Variants in AAK1 observed in about 807,000 individuals in gnomAD.
AAK1 encodes AP2 associated kinase 1, also known as AP2-associated protein kinase 1.
AAK1 carries 37 observed loss-of-function variants against 116.0 expected under a neutral mutation model. The observed-to-expected ratio is 0.32, with a 90% CI of 0.25 to 0.42. The LOEUF (loss-of-function observed/expected upper bound fraction) is 0.42, where lower values mean the gene tolerates loss of function less well. Among genes scored for constraint, AAK1 ranks in the 10% least tolerant of loss-of-function variants. The probability of loss-of-function intolerance (pLI) is 1.00; values close to 1 mark genes in which losing one functional copy is unlikely to be tolerated. For missense variants in AAK1, 919 were observed against 1,170.6 expected, an observed-to-expected ratio of 0.79 and a Z score of 3.14; for synonymous variants, 458 against 439.9, an observed-to-expected ratio of 1.04 and a Z score of -0.51.
Position 69,509,565 on chromosome 2 carries a change from CACTAACATGAA to C in AAK1, c.1777-116_1777-106del, listed in dbSNP as rs1490808261. On this transcript the variant is annotated intron_variant, in intron 13 of 21. Coordinates refer to ENST00000409085, the MANE Select transcript of AAK1 (RefSeq NM_014911.5). ...ACAACAACAAAAAATGCCACATAAGCACTAACATGAAACTCACATGGCTAAGTTTATCAATA... is the reference window on the plus strand; with the variant it reads ...ACAACAACAAAAAATGCCACATAAGCACTCACATGGCTAAGTTTATCAATA... 1.3e-5 allele frequency: 12 copies of C among 952,054 alleles called. No individual in the cohort carries two copies. In the South Asian group the frequency reaches 1.4e-4, roughly 11 times the overall value. The allele number at this position is 952,054 out of a possible 1,614,324, so 59.0% of individuals were successfully genotyped here. A position where few individuals can be genotyped will look rare whatever the true frequency, so the allele number is the denominator to read the frequency against.
At chr2:69,621,763 G>A (rs780899241) in intron 2 of AAK1, among the ~76,000 whole-genome samples, 1 of 152,110 alleles carries the variant, frequency 6.6e-6, no homozygotes, top group Non-Finnish European at 1.5e-5. Context: ...TTCCCTCTCT[G>A]CTGTGTAACA....
intron 11 of AAK1, among the ~76,000 whole-genome samples, chr2:69,519,483 C>T (rs1669660980): frequency 6.6e-6 from 1 of 152,158 alleles, no homozygotes; most frequent in Non-Finnish European, 1.5e-5. Context: ...AAAGTCTTCC[C>T]TTATTAATCA....
At chr2:69,626,236 T>G (rs960471784) in intron 2 of AAK1, among the ~76,000 whole-genome samples, 2 of 151,592 alleles carry the variant, frequency 1.3e-5, no homozygotes, top group Non-Finnish European at 2.9e-5. Context: ...ATTACAAAAA[T>G]TATATTATTA....
chr2:69,526,528 G>C (rs1670031584), intron 9 of AAK1, among the ~76,000 whole-genome samples: 1 of 152,112 alleles, frequency 6.6e-6, no homozygotes, highest in Non-Finnish European at 1.5e-5. Context: ...GGCTGGTCTT[G>C]AACTCCTGAC....
At position 69,470,508 on chromosome 2, in the gene AAK1, G is replaced by A. The variant is rs1674640451; in HGVS notation, c.*5361C>T. The A allele has an allele frequency of 2.3e-5, 23 of 985,406 alleles. No individual in the cohort carries two copies. Among genetic ancestry groups the A allele is most frequent in the Non-Finnish European group, 2.8e-5 (23 of 829,932 alleles). 61.0% of individuals were successfully genotyped at this position (985,406 alleles called of 1,614,324 possible). ...AGGGACCTCATGGAAGCCAAAAATG[G>A]CCAGCTGTGCCTCTCAGGCCAATGA... On this transcript the variant is annotated 3_prime_UTR_variant, in exon 22 of 22. Coordinates refer to ENST00000409085, the MANE Select transcript of AAK1 (RefSeq NM_014911.5).
chr2:69,477,017 C>T (rs773280406), intron 20 of AAK1, 27 bp from the exon 21 acceptor site: 2 of 1,483,468 alleles, frequency 1.3e-6, no homozygotes, highest in East Asian at 2.3e-5. Flanking sequence ...AGTACACAAG[C>T]AGAAACAACA....
At chr2:69,508,597 C>G (rs1676276700) in intron 14 of AAK1, among the ~76,000 whole-genome samples, 1 of 152,146 alleles carries the variant, frequency 6.6e-6, no homozygotes, top group Admixed American at 6.5e-5. Context: ...GTCAGACATA[C>G]AAATAATTAA....
Position 69,471,104 on chromosome 2 carries a change from AAAC to A in AAK1, c.*4762_*4764del, listed in dbSNP as rs1674661887. 1.0e-6 allele frequency: 1 copy of A among 985,716 alleles called. No individual in the cohort carries two copies. The highest frequency in any genetic ancestry group is 1.7e-5 in the African/African-American group (1 of 57,240). The allele number at this position is 985,716 out of a possible 1,614,324, so 61.1% of individuals were successfully genotyped here. ...GAAGGACGCGTTAAAGACCTATGAT[AAAC>A]ACACATCCACATGACAAAGGAGAGT... On this transcript the variant is annotated 3_prime_UTR_variant, in exon 22 of 22. Coordinates refer to ENST00000409085, the MANE Select transcript of AAK1 (RefSeq NM_014911.5).
At chr2:69,492,518 CTTTTTTT>C (rs987331929) in intron 17 of AAK1, among the ~76,000 whole-genome samples, 27 of 83,404 alleles carry the variant, frequency 3.2e-4, no homozygotes, top group Admixed American at 2.4e-3. Context: ...CTGGCCAATT[CTTTTTTT>C]TTTTTTTTTT....
At chr2:69,513,091 TGAA>T (rs1294318565) in intron 13 of AAK1, among the ~76,000 whole-genome samples, 4 of 152,134 alleles carry the variant, frequency 2.6e-5, no homozygotes, top group South Asian at 2.1e-4. Flanking sequence ...TCTTTTTCCA[TGAA>T]GAAGAGGAAC....
intron 3 of AAK1, among the ~76,000 whole-genome samples, chr2:69,552,151 TA>T (rs918765546): frequency 3.7e-4 from 56 of 150,808 alleles, no homozygotes; most frequent in Admixed American, 1.1e-3. Flanking sequence ...AGTAAGAAAT[TA>T]AAAAAAAAGT....
intron 2 of AAK1, among the ~76,000 whole-genome samples, chr2:69,609,629 A>C (rs1673975251): frequency 6.6e-6 from 1 of 152,170 alleles, no homozygotes; most frequent in African/African-American, 2.4e-5. Context: ...GTGCCATTGC[A>C]CCCCAGCCTG....
In AAK1 at chr2:69,475,027, G is replaced by A. The variant is rs1027329888; in HGVS notation, c.*842C>T. 5.4e-5 allele frequency: 51 copies of A among 950,036 alleles called. No homozygotes were observed. The highest frequency in any genetic ancestry group is 1.5e-4 in the South Asian group (3 of 19,902). 58.9% of individuals were successfully genotyped at this position (950,036 alleles called of 1,614,324 possible). Reference sequence around the variant, plus strand: ...TAATAAAAGGTATCATATTACCACCGTCTTGTTTTGGTCTAATTCTGAGAT... The same window carrying A: ...TAATAAAAGGTATCATATTACCACCATCTTGTTTTGGTCTAATTCTGAGAT... On this transcript the variant is annotated 3_prime_UTR_variant, in exon 22 of 22. Transcript: ENST00000409085.
chr2:69,539,307 C>G (rs1200392120), intron 5 of AAK1, among the ~76,000 whole-genome samples: 1 of 151,976 alleles, frequency 6.6e-6, no homozygotes, highest in Non-Finnish European at 1.5e-5. Flanking sequence ...GCTGCCTATG[C>G]TCACCTCTCA....
chr2:69,489,570 A>G (rs1572889252), intron 17 of AAK1, among the ~76,000 whole-genome samples: 1 of 152,012 alleles, frequency 6.6e-6, no homozygotes, highest in Non-Finnish European at 1.5e-5. Flanking sequence ...GAACGGCAGG[A>G]CTCACAGACA....
At position 69,602,797 on chromosome 2, in the gene AAK1, CT is replaced by C. The variant is rs544206339; in HGVS notation, c.163+40080del. ...TTGTGCCTCACATAAACTAAGCTCA[CT>C]AAAAAAAGATGGTATTTATTATTTC... is the stretch of plus-strand genomic sequence containing the variant. On this transcript the variant is annotated intron_variant, in intron 2 of 21. Coordinates refer to ENST00000409085, the MANE Select transcript of AAK1 (RefSeq NM_014911.5). Among the ~76,000 whole-genome samples, 3 of 152,010 alleles carry C rather than the reference CT, an allele frequency of 2.0e-5. No individual in the cohort carries two copies. In the South Asian group the frequency reaches 6.2e-4, roughly 32 times the overall value.
intron 2 of AAK1, among the ~76,000 whole-genome samples, chr2:69,576,032 G>A (rs1334038903): frequency 6.6e-6 from 1 of 152,094 alleles, no homozygotes. Flanking sequence ...CTGCTCTAAT[G>A]CCAGCCCTAA....
At chr2:69,494,856 T>C (rs1171744286) in intron 17 of AAK1, among the ~76,000 whole-genome samples, 1 of 152,198 alleles carries the variant, frequency 6.6e-6, no homozygotes, top group Non-Finnish European at 1.5e-5. Flanking sequence ...TGTTTGCTTC[T>C]CCTTAGAGGG....
intron 2 of AAK1, among the ~76,000 whole-genome samples, chr2:69,602,575 T>G (rs992636978): frequency 6.6e-6 from 1 of 152,190 alleles, no homozygotes; most frequent in Non-Finnish European, 1.5e-5. Context: ...TTCTACTGTT[T>G]ATGTAACTGA....
Sources: gnomAD v4.1 joint callset for allele counts (sites outside exome capture counted in the v4.1 genomes callset) on GRCh38, gnomAD v4.1.1 for gene constraint, MANE v1.5 for transcripts, NCBI Gene and HGNC (gene_info 2026-07-23, HGNC 2026-07-21) for gene names.